The following SUPT3H variants were observed in gnomAD, a reference collection of about 807,000 sequenced individuals.
SUPT3H encodes SPT3 homolog, SAGA and STAGA complex component.
In SUPT3H, 44 loss-of-function variants were observed where a neutral mutation model predicts 44.3. The observed-to-expected ratio is 0.99, with a 90% CI of 0.78 to 1.28. SUPT3H has a LOEUF of 1.28. Ranked by LOEUF, SUPT3H falls within the 50% of genes most tolerant of loss-of-function variation. The pLI is 0.00. For synonymous variants in SUPT3H, 124 were observed against 125.6 expected, an observed-to-expected ratio of 0.99 and a Z score of 0.09; for missense variants, 380 against 387.1, an observed-to-expected ratio of 0.98 and a Z score of 0.15.
intron 3 of SUPT3H, among the ~76,000 whole-genome samples, chr6:45,039,802 AAAACAAAAAAC>A (rs1583204432): frequency 6.7e-6 from 1 of 149,656 alleles, no homozygotes; most frequent in East Asian, 2.0e-4. Flanking sequence ...GAAAAAAACA[AAAACAAAAAAC>A]AAACAAAAAA....
intron 2 of SUPT3H, chr6:45,323,104 T>TA: frequency 1.8e-6 from 1 of 567,904 alleles, no homozygotes; most frequent in East Asian, 3.1e-5. Flanking sequence ...TGACAATTTA[T>TA]ATACTGGAAT....
At chr6:45,079,957 A>G (rs1795561122) in intron 3 of SUPT3H, among the ~76,000 whole-genome samples, 2 of 152,236 alleles carry the variant, frequency 1.3e-5, no homozygotes, top group South Asian at 4.1e-4. Context: ...ATGAGATTAC[A>G]TCAAATTGCA....
chr6:45,241,084 A>G (rs1329034493), intron 2 of SUPT3H, among the ~76,000 whole-genome samples: 1 of 152,148 alleles, frequency 6.6e-6, no homozygotes, highest in East Asian at 1.9e-4. Flanking sequence ...AATCTGTGTT[A>G]TTTGTCTTTG....
At chr6:44,903,768 T>C (rs565244156) in intron 10 of SUPT3H, among the ~76,000 whole-genome samples, 3 of 152,314 alleles carry the variant, frequency 2.0e-5, no homozygotes, top group Non-Finnish European at 2.9e-5. Flanking sequence ...TTAATATTGA[T>C]GCAAAAATCC....
intron 3 of SUPT3H, among the ~76,000 whole-genome samples, chr6:45,031,648 A>G (rs1786957844): frequency 1.3e-5 from 2 of 152,200 alleles, no homozygotes; most frequent in African/African-American, 4.8e-5. Context: ...TAAGCTCCAA[A>G]GATCCTTTTG....
intron 6 of SUPT3H, among the ~76,000 whole-genome samples, chr6:44,994,341 T>C (rs1780990806): frequency 6.6e-6 from 1 of 152,146 alleles, no homozygotes; most frequent in Non-Finnish European, 1.5e-5. Context: ...CATTCATTTT[T>C]ACCACGTTGT....
At chr6:45,153,453 A>C (rs1215963797) in intron 2 of SUPT3H, among the ~76,000 whole-genome samples, 1 of 152,250 alleles carries the variant, frequency 6.6e-6, no homozygotes, top group African/African-American at 2.4e-5. Context: ...AACTCTCAAT[A>C]ATAAAGTAAA....
intron 10 of SUPT3H, among the ~76,000 whole-genome samples, chr6:44,906,539 G>A (rs1243396032): frequency 4.6e-5 from 7 of 152,146 alleles, no homozygotes; most frequent in Admixed American, 2.0e-4. Flanking sequence ...CGAGTTGGGC[G>A]GATCACGAGG....
chr6:44,839,046 G>A (rs1250164858), intron 10 of SUPT3H, among the ~76,000 whole-genome samples: 1 of 152,164 alleles, frequency 6.6e-6, no homozygotes, highest in Non-Finnish European at 1.5e-5. Flanking sequence ...TTTGAACAGA[G>A]CTATCATATT....
At chr6:44,818,788 A>G (rs1346285054) in intron 11 of SUPT3H, among the ~76,000 whole-genome samples, 2 of 152,220 alleles carry the variant, frequency 1.3e-5, no homozygotes, top group Non-Finnish European at 2.9e-5. Context: ...ATTAAAGCAA[A>G]ATAAATAAGC....
intron 2 of SUPT3H, among the ~76,000 whole-genome samples, chr6:45,176,270 G>T (rs571596256): frequency 2.0e-5 from 3 of 151,738 alleles, no homozygotes; most frequent in African/African-American, 4.8e-5. Context: ...TGGGAAGCGC[G>T]AGGGGTCAAG....
rs71745024 is a variant in SUPT3H at position 45,346,567 on chromosome 6, CT to C, written c.101+18633del. 3.5e-3 allele frequency among the ~76,000 whole-genome samples: 497 copies of C among 140,400 alleles called. 11 individuals carry two copies. In the East Asian group the frequency reaches 0.068, roughly 19 times the overall value. 92.1% of individuals were successfully genotyped at this position (140,400 alleles called of 152,430 possible). On this transcript the variant is annotated intron_variant, in intron 2 of 10. Coordinates refer to ENST00000371459, the MANE Select transcript of SUPT3H (RefSeq NM_003599.4). ...TATAATAGGAATTCAATAAACATTT[CT>C]TTTTTTTTTTTTTTCTTGAGATAGG... is the stretch of plus-strand genomic sequence containing the variant.
chr6:45,313,803 T>G (rs1400267390), intron 2 of SUPT3H, among the ~76,000 whole-genome samples: 1 of 151,846 alleles, frequency 6.6e-6, no homozygotes, highest in Non-Finnish European at 1.5e-5. Flanking sequence ...GAAGCCAGCG[T>G]CACCCTAATA....
At chr6:45,240,994 G>A (rs1280406264) in intron 2 of SUPT3H, among the ~76,000 whole-genome samples, 1 of 152,206 alleles carries the variant, frequency 6.6e-6, no homozygotes, top group African/African-American at 2.4e-5. Context: ...AGGAGCTGCA[G>A]ACAGATTAGC....
rs546730118 is a variant in SUPT3H at position 45,294,273 on chromosome 6, C to G, written c.101+70928G>C. Reference sequence around the variant, plus strand: ...AAGCAGAAAAAGCATTCAACAAAATCCAGCATCACTTTATGATTAAAACTC... The same window carrying G: ...AAGCAGAAAAAGCATTCAACAAAATGCAGCATCACTTTATGATTAAAACTC... On this transcript the variant is annotated intron_variant, in intron 2 of 10. Coordinates refer to ENST00000371459, the MANE Select transcript of SUPT3H (RefSeq NM_003599.4). Among the ~76,000 whole-genome samples, 15 of 152,200 alleles carry G rather than the reference C, an allele frequency of 9.9e-5. No individual in the cohort carries two copies. In the South Asian group the frequency reaches 2.7e-3, roughly 27 times the overall value.
chr6:45,178,724 C>G (rs1404660499), intron 2 of SUPT3H, among the ~76,000 whole-genome samples: 1 of 152,094 alleles, frequency 6.6e-6, no homozygotes, highest in Non-Finnish European at 1.5e-5. Flanking sequence ...TCTCTCAGAC[C>G]ACAGTGCAAT....
At chr6:45,132,162 G>A (rs1583730797) in intron 2 of SUPT3H, among the ~76,000 whole-genome samples, 2 of 152,260 alleles carry the variant, frequency 1.3e-5, no homozygotes, top group African/African-American at 2.4e-5. Flanking sequence ...CTGCAAATAA[G>A]AGGAGGACTA....
intron 2 of SUPT3H, among the ~76,000 whole-genome samples, chr6:45,295,639 C>T (rs991042236): frequency 1.3e-5 from 2 of 148,652 alleles, no homozygotes; most frequent in African/African-American, 4.9e-5. Flanking sequence ...CCAAAATCTA[C>T]AATGAACTCA....
chr6:45,098,816 C>G (rs763602380), intron 3 of SUPT3H: 1 of 541,580 alleles, frequency 1.8e-6, no homozygotes, highest in Non-Finnish European at 3.7e-6. Flanking sequence ...GAGCAGTGTG[C>G]TTTCATCCAG....
Sources: gnomAD v4.1 joint callset for allele counts (sites outside exome capture counted in the v4.1 genomes callset) on GRCh38, gnomAD v4.1.1 for gene constraint, MANE v1.5 for transcripts, NCBI Gene and HGNC (gene_info 2026-07-23, HGNC 2026-07-21) for gene names.